HCFC1: variants seen among roughly 807,000 people sequenced by gnomAD.
HCFC1 encodes host cell factor C1.
HCFC1 carries 7 observed loss-of-function variants against 105.5 expected under a neutral mutation model. That is an observed-to-expected ratio of 0.07 (90% confidence interval 0.04 to 0.12). HCFC1 has a LOEUF of 0.12. Among genes scored for constraint, HCFC1 ranks in the 10% least tolerant of loss-of-function variants. The pLI, the probability that HCFC1 is intolerant of heterozygous loss-of-function variation, is 1.00. For synonymous variants in HCFC1, 918 were observed against 828.1 expected, an observed-to-expected ratio of 1.11 and a Z score of -1.86; for missense variants, 1,065 against 1,823.6, an observed-to-expected ratio of 0.58 and a Z score of 7.58.
Position 153,970,821 on chromosome X carries a change from G to A in HCFC1, c.20C>T (p.Pro7Leu), listed in dbSNP as rs1557119929. Reference protein sequence around the residue: MASAVSPANLPAVLLQP... With the variant: MASAVSLANLPAVLLQP... ...CAGAAGCACCGCTGGCAAGTTGGCG[G>A]GCGACACGGCCGAAGCCATAGTTCC... Residue 7 changes from proline (P) to leucine (L), a missense_variant, in exon 1 of 26, where the codon CCC (proline) becomes CTC (leucine). This residue lies in a region of HCFC1 where 12 missense variants were observed against 16.1 expected (regional missense o/e 0.74). Transcript: ENST00000310441. 2 of 1,166,139 alleles carry A rather than the reference G, an allele frequency of 1.7e-6. No homozygotes were observed. The highest frequency in any genetic ancestry group is 1.9e-5 in the South Asian group (1 of 52,396).
chrX:153,951,953 G>A lies in HCFC1; in HGVS notation c.5148C>T (p.Ala1716=), dbSNP rs1557112681. The stretch of plus-strand genomic sequence containing the variant: ...CGTTGAGACTGTCGGCAGGGGCCAG[G>A]GCCTCAGTGGGGAGGTGGTGATGCT... The part of the protein sequence containing the change: ...QQQHHHLPTE[A]LAPADSLNDP... The change falls in exon 20 of 26, where the codon GCC becomes GCT. Residue 1716 remains alanine, a synonymous_variant. Transcript: ENST00000310441. 1.7e-6 allele frequency: 2 copies of A among 1,187,452 alleles called. No homozygotes were observed. The highest frequency in any genetic ancestry group is 2.5e-4 in the Middle Eastern group (1 of 4,026).
At chrX:153,958,519 G>T (rs200680534) in intron 10 of HCFC1, 50 bp downstream of exon 10, 16 of 1,076,651 alleles carry the variant, frequency 1.5e-5, no homozygotes, top group Non-Finnish European at 1.9e-5. Context: ...AGCCCGGAGG[G>T]AATGACTATG....
In HCFC1 at chrX:153,954,526, G is replaced by A. The variant is rs782697656; in HGVS notation, c.3873C>T (p.Asn1291=). 2.5e-6 allele frequency: 3 copies of A among 1,211,872 alleles called. No individual in the cohort carries two copies. Among genetic ancestry groups the A allele is most frequent in the Non-Finnish European group, 2.2e-6 (2 of 895,319 alleles). ...CTGTCTCGTGGGTCTCACATGGTGG[G>A]TTGGAGCAGACTTGGGTCACGGTGG... ...PSATVTQVCS[N]PPCETHETGT... The change falls in exon 17 of 26, where the codon AAC becomes AAT. Residue 1291 remains asparagine, a synonymous_variant. Coordinates refer to ENST00000310441, the MANE Select transcript of HCFC1 (RefSeq NM_005334.3).
At position 153,970,820 on chromosome X, in the gene HCFC1, G is replaced by A. The variant is rs1557119928; in HGVS notation, c.21C>T (p.Pro7=). MASAVS[P]ANLPAVLLQP... ...GCAGAAGCACCGCTGGCAAGTTGGC[G>A]GGCGACACGGCCGAAGCCATAGTTC... Residue 7 remains proline, a synonymous_variant, in exon 1 of 26, where the codon CCC becomes CCT. Transcript: ENST00000310441. The A allele has an allele frequency of 1.7e-6, 2 of 1,167,248 alleles. No individual in the cohort carries two copies. Among genetic ancestry groups the A allele is most frequent in the Non-Finnish European group, 2.3e-6 (2 of 876,648 alleles).
At position 153,960,173 on chromosome X, in the gene HCFC1, C is replaced by T. The variant is rs3027893; in HGVS notation, c.1085-12G>A. 14,705 of 1,202,025 alleles carry T rather than the reference C, an allele frequency of 0.012. 618 individuals carry two copies. The African/African-American group carries it at 0.16, about 13-fold the overall frequency. On this transcript the variant is annotated splice_polypyrimidine_tract_variant and intron_variant, in intron 7 of 25. Coordinates refer to ENST00000310441, the MANE Select transcript of HCFC1 (RefSeq NM_005334.3). ...GGGTGGTGGCTTTTCTGTGGGAGAACGCAGTTGGTGAGAAGGGGCGGGAGG... is the reference window on the plus strand; with the variant it reads ...GGGTGGTGGCTTTTCTGTGGGAGAATGCAGTTGGTGAGAAGGGGCGGGAGG...
rs782205730 is a variant in HCFC1, at chrX:153,970,971, T to A, written c.-131A>T. ...GGTTTCTCACACAGCGGTAGACGAC[T>A]CCATGGAGGCCGCCATCTTAACTGC... On this transcript the variant is annotated 5_prime_UTR_variant, in exon 1 of 26. Coordinates refer to ENST00000310441, the MANE Select transcript of HCFC1 (RefSeq NM_005334.3). 1 of 487,659 alleles carries A rather than the reference T, an allele frequency of 2.1e-6. No individual in the cohort carries two copies. Among genetic ancestry groups the A allele is most frequent in the African/African-American group, 2.5e-5 (1 of 40,200 alleles). 40.2% of individuals were successfully genotyped at this position (487,659 alleles called of 1,213,427 possible).
At chrX:153,963,820 G>A (rs1306681530) in intron 3 of HCFC1, among the ~76,000 whole-genome samples, 8 of 112,648 alleles carry the variant, frequency 7.1e-5, no homozygotes, top group Non-Finnish European at 1.3e-4. Context: ...TGTAGGCAGC[G>A]GAGGCTGAGA....
At chrX:153,956,140 T>C in intron 16 of HCFC1, 51 bp downstream of exon 16, 1 of 1,098,684 alleles carries the variant, frequency 9.1e-7, no homozygotes, top group Non-Finnish European at 1.3e-6. Flanking sequence ...CTCACGTGCT[T>C]CCACTTGTGT....
At chrX:153,957,178 C>T in intron 13 of HCFC1, 118 bp from the exon 14 acceptor site, 1 of 988,041 alleles carries the variant, frequency 1.0e-6, no homozygotes, top group Non-Finnish European at 1.4e-6. Context: ...TCCTCACTAC[C>T]CTTAGACACA....
chrX:153,960,229 G>GC lies in HCFC1; in HGVS notation c.1084+5dup, dbSNP rs1557116432. The stretch of plus-strand genomic sequence containing the variant: ...GGAGGAGGGGAGTCGGCTGGGCCGG[G>GC]CCTACCTGTCTCTAGGTACCAGAGG... On this transcript the variant is annotated splice_donor_region_variant and intron_variant, in intron 7 of 25. Coordinates refer to ENST00000310441, the MANE Select transcript of HCFC1 (RefSeq NM_005334.3). 1 of 1,187,987 alleles carries GC rather than the reference G, an allele frequency of 8.4e-7. No homozygotes were observed. Among genetic ancestry groups the GC allele is most frequent in the African/African-American group, 1.8e-5 (1 of 56,769 alleles).
intron 5 of HCFC1, 58 bp from the exon 6 acceptor site, chrX:153,961,706 C>T: frequency 3.5e-6 from 3 of 857,698 alleles, no homozygotes; most frequent in Non-Finnish European, 5.1e-6. Flanking sequence ...AAGCTAGAGG[C>T]CACCTCTGCT....
Position 153,954,661 on chromosome X carries a change from G to A in HCFC1, c.3738C>T (p.Ser1246=), listed in dbSNP as rs781962113. 8.3e-6 allele frequency: 10 copies of A among 1,206,841 alleles called. No homozygotes were observed. In the South Asian group the frequency reaches 1.2e-4, roughly 15 times the overall value. Reference sequence around the variant, plus strand: ...CCATGCGGGGCTCCCCAGCACCCACGCTGGAACGGGTCATGGCAGCGGTGC... The same window carrying A: ...CCATGCGGGGCTCCCCAGCACCCACACTGGAACGGGTCATGGCAGCGGTGC... The part of the protein sequence containing the change: ...AVSTAAMTRS[S]VGAGEPRMAP... The change falls in exon 17 of 26, where the codon AGC becomes AGT. Residue 1246 remains serine, a synonymous_variant. Transcript: ENST00000310441.
Position 153,971,500 on chromosome X carries a change from G to A in HCFC1, c.-660C>T, listed in dbSNP as rs2065533991. ...TCGAGCTCTCGAGGGCCGTTTGGGG[G>A]CTCGCGCCGTACGGCTTGTGAAGTC... On this transcript the variant is annotated 5_prime_UTR_variant, in exon 1 of 26. Transcript: ENST00000310441. 3.4e-6 allele frequency: 1 copy of A among 293,826 alleles called. No homozygotes were observed. 24.2% of individuals were successfully genotyped at this position (293,826 alleles called of 1,213,427 possible). A position where few individuals can be genotyped will look rare whatever the true frequency, so the allele number is the denominator to read the frequency against.
Position 153,960,218 on chromosome X carries a change from G to A in HCFC1, c.1084+17C>T, listed in dbSNP as rs373748025. 1.6e-4 allele frequency: 188 copies of A among 1,184,067 alleles called. No homozygotes were observed. The highest frequency in any genetic ancestry group is 2.0e-4 in the Non-Finnish European group (177 of 880,392). Reference sequence around the variant, plus strand: ...GGGAGGCTATGGGAGGAGGGGAGTCGGCTGGGCCGGGCCTACCTGTCTCTA... The same window carrying A: ...GGGAGGCTATGGGAGGAGGGGAGTCAGCTGGGCCGGGCCTACCTGTCTCTA... On this transcript the variant is annotated intron_variant, in intron 7 of 25. Transcript: ENST00000310441.
chrX:153,947,853 A>G lies in HCFC1; in HGVS notation c.*1494T>C, dbSNP rs1288848891. The G allele has an allele frequency of 9.0e-6, 1 of 111,371 alleles. No individual in the cohort carries two copies. The highest frequency in any genetic ancestry group is 1.9e-5 in the Non-Finnish European group (1 of 52,985). The allele number at this position is 111,371 out of a possible 1,213,427, so 9.2% of individuals were successfully genotyped here. ...CAGAGGTCGGTAGGGGAGGGCTGGAAAGATTGGCTGCTCGGTTCAAATCCT... is the reference window on the plus strand; with the variant it reads ...CAGAGGTCGGTAGGGGAGGGCTGGAGAGATTGGCTGCTCGGTTCAAATCCT... On this transcript the variant is annotated 3_prime_UTR_variant, in exon 26 of 26. Transcript: ENST00000310441.
At chrX:153,959,253 G>A (rs1215465001) in intron 9 of HCFC1, 78 bp downstream of exon 9, 2 of 1,026,109 alleles carry the variant, frequency 1.9e-6, no homozygotes, top group Non-Finnish European at 2.6e-6. Flanking sequence ...CGAGAGGGAT[G>A]TGAACCCCTC....
Position 153,959,514 on chromosome X carries a change from G to A in HCFC1, c.1445-23C>T, listed in dbSNP as rs369826993. 3.3e-5 allele frequency: 40 copies of A among 1,206,908 alleles called. No individual in the cohort carries two copies. In the African/African-American group the frequency reaches 4.0e-4, roughly 12 times the overall value. Reference sequence around the variant, plus strand: ...CACCTGATGAGAGAAGGGGCCAGCCGTCAGCCATCACCTTCTGCACGATGT... The same window carrying A: ...CACCTGATGAGAGAAGGGGCCAGCCATCAGCCATCACCTTCTGCACGATGT... On this transcript the variant is annotated intron_variant, in intron 8 of 25. Transcript: ENST00000310441.
chrX:153,958,290 G>A (rs782687224), intron 10 of HCFC1, 41 bp from the exon 11 acceptor site: 1 of 1,085,613 alleles, frequency 9.2e-7, no homozygotes, highest in South Asian at 1.9e-5. Context: ...GGCAAAGAAA[G>A]CGATGGGGAA....
Position 153,953,182 on chromosome X carries a change from T to G in HCFC1, c.4498-224A>C, listed in dbSNP as rs782445821. The G allele has an allele frequency of 6.7e-5, 30 of 445,491 alleles. 1 individual carries two copies. The Admixed American group carries it at 1.1e-3, about 16-fold the overall frequency. 36.7% of individuals were successfully genotyped at this position (445,491 alleles called of 1,213,427 possible). On this transcript the variant is annotated intron_variant, in intron 18 of 25. Transcript: ENST00000310441. ...AAGCAAGCCAGCCCTCACCTTTCCT[T>G]GTGGGCCTAAGTTTTCATTCTTGAT...
Sources: allele counts gnomAD v4.1 joint callset (sites outside exome capture counted in the v4.1 genomes callset), GRCh38; gene constraint gnomAD v4.1.1; regional missense constraint gnomAD v4.1.1; transcripts MANE v1.5; gene names NCBI Gene and HGNC (gene_info 2026-07-23, HGNC 2026-07-21).